Variants in SLC24A2 observed in about 807,000 individuals in gnomAD.
The protein encoded by SLC24A2 is solute carrier family 24 member 2.
In SLC24A2, 36 loss-of-function variants were observed where a neutral mutation model predicts 62.0. The ratio of observed to expected loss-of-function variants is 0.58; its 90% CI spans 0.44 to 0.77. The LOEUF (loss-of-function observed/expected upper bound fraction) is 0.77. Among genes scored for constraint, SLC24A2 ranks in the 30% least tolerant of loss-of-function variants. SLC24A2 has a pLI of 0.00. For synonymous variants in SLC24A2, 358 were observed against 294.0 expected, an observed-to-expected ratio of 1.22 and a Z score of -2.23; for missense variants, 846 against 817.9, an observed-to-expected ratio of 1.03 and a Z score of -0.42.
chr9:19,919,627 T>C, the SLC24A2 span, among the ~76,000 whole-genome samples: 1 of 152,174 alleles, frequency 6.6e-6, no homozygotes, highest in Non-Finnish European at 1.5e-5. Flanking sequence ...AAGAAATACC[T>C]GAGACTGGGT....
At chr9:20,268,065 AG>A in the SLC24A2 span, among the ~76,000 whole-genome samples, 2 of 152,010 alleles carry the variant, frequency 1.3e-5, no homozygotes, top group Admixed American at 1.3e-4. Context: ...TGCCTTAAGG[AG>A]GGAATGGGAA....
the SLC24A2 span, among the ~76,000 whole-genome samples, chr9:20,273,480 A>G: frequency 6.6e-6 from 1 of 152,166 alleles, no homozygotes; most frequent in Non-Finnish European, 1.5e-5. Flanking sequence ...GTGGGAGATG[A>G]TTGAATCATG....
intron 2 of SLC24A2, among the ~76,000 whole-genome samples, chr9:19,677,257 G>T (rs1819586778): frequency 6.6e-6 from 1 of 152,210 alleles, no homozygotes; most frequent in Non-Finnish European, 1.5e-5. Flanking sequence ...TCGTAAAAAA[G>T]AATGAGATCT....
the SLC24A2 span, among the ~76,000 whole-genome samples, chr9:20,198,056 G>C: frequency 6.6e-6 from 1 of 152,184 alleles, no homozygotes; most frequent in Non-Finnish European, 1.5e-5. Flanking sequence ...CACCCCACTT[G>C]TAAAGGCGGT....
At chr9:19,681,456 A>T (rs532364044) in intron 2 of SLC24A2, among the ~76,000 whole-genome samples, 3 of 152,042 alleles carry the variant, frequency 2.0e-5, no homozygotes, top group Non-Finnish European at 4.4e-5. Context: ...TTTTGTTTAT[A>T]CTATGGCTCC....
At chr9:19,834,254 G>A in the SLC24A2 span, among the ~76,000 whole-genome samples, 1 of 152,140 alleles carries the variant, frequency 6.6e-6, no homozygotes, top group African/African-American at 2.4e-5. Context: ...AGAGAAGAAG[G>A]CTTCAGAAGA....
At chr9:19,929,248 G>A in the SLC24A2 span, 1 of 152,112 alleles carries the variant, frequency 6.6e-6, no homozygotes. Flanking sequence ...CTTTTACCCT[G>A]GACTCTCACC....
At chr9:19,804,284 C>G in the SLC24A2 span, among the ~76,000 whole-genome samples, 1 of 152,088 alleles carries the variant, frequency 6.6e-6, no homozygotes, top group East Asian at 1.9e-4. Context: ...TTATTTAGGT[C>G]CTCTTTAATT....
At chr9:19,531,708 C>T (rs949725677) in intron 8 of SLC24A2, among the ~76,000 whole-genome samples, 2 of 147,216 alleles carry the variant, frequency 1.4e-5, no homozygotes, top group African/African-American at 5.1e-5. Flanking sequence ...CCCCACCCCC[C>T]AAATCCTACT....
At chr9:20,274,032 C>T in the SLC24A2 span, among the ~76,000 whole-genome samples, 5 of 152,248 alleles carry the variant, frequency 3.3e-5, no homozygotes, top group African/African-American at 1.2e-4. Context: ...TCCCCAATAC[C>T]TACTGATGTA....
chr9:20,012,355 G>C, the SLC24A2 span, among the ~76,000 whole-genome samples: 1 of 152,152 alleles, frequency 6.6e-6, no homozygotes, highest in African/African-American at 2.4e-5. Context: ...CAGATCTCGT[G>C]AGTCTTATTC....
At chr9:19,961,707 T>G in the SLC24A2 span, among the ~76,000 whole-genome samples, 1 of 152,218 alleles carries the variant, frequency 6.6e-6, no homozygotes. Flanking sequence ...GAAATGACAG[T>G]GTATGACTTA....
chr9:20,307,275 T>C, the SLC24A2 span, among the ~76,000 whole-genome samples: 1 of 152,218 alleles, frequency 6.6e-6, no homozygotes, highest in African/African-American at 2.4e-5. Flanking sequence ...TTGGGACATG[T>C]AAATGAAGTG....
chr9:19,831,368 T>G, the SLC24A2 span, among the ~76,000 whole-genome samples: 1 of 152,198 alleles, frequency 6.6e-6, no homozygotes, highest in Non-Finnish European at 1.5e-5. Context: ...CTGTTTTTTA[T>G]AGCTCTTTTA....
chr9:20,060,286 C>T, the SLC24A2 span, among the ~76,000 whole-genome samples: 1 of 152,038 alleles, frequency 6.6e-6, no homozygotes, highest in African/African-American at 2.4e-5. Flanking sequence ...GAGAACGGAA[C>T]ATTTTCTAAC....
At chr9:19,787,611 CTCCTT>C (rs1823213381) in intron 1 of SLC24A2, among the ~76,000 whole-genome samples, 1 of 152,144 alleles carries the variant, frequency 6.6e-6, no homozygotes, top group Admixed American at 6.5e-5. Context: ...TAAAAAGTCT[CTCCTT>C]TATCAGATGC....
intron 7 of SLC24A2, among the ~76,000 whole-genome samples, chr9:19,551,289 G>C (rs1195101876): frequency 3.9e-5 from 6 of 152,222 alleles, no homozygotes; most frequent in Non-Finnish European, 5.9e-5. Flanking sequence ...CCTGCACGGG[G>C]TGTCGGAGCC....
chr9:19,958,030 A>G, the SLC24A2 span: 6,865 of 152,700 alleles, frequency 0.045, 237 homozygotes, highest in Non-Finnish European at 0.07. Context: ...CAGTGGCCAT[A>G]GGATCATGGT....
At chr9:19,604,377 T>A (rs1358140524) in intron 4 of SLC24A2, among the ~76,000 whole-genome samples, 1 of 152,142 alleles carries the variant, frequency 6.6e-6, no homozygotes, top group Non-Finnish European at 1.5e-5. Context: ...AGCAGCACTG[T>A]CTTTAAAAAA....
Sources: allele counts gnomAD v4.1 joint callset (sites outside exome capture counted in the v4.1 genomes callset), GRCh38; gene constraint gnomAD v4.1.1; transcripts MANE v1.5; gene names NCBI Gene and HGNC (gene_info 2026-07-23, HGNC 2026-07-21).